Variants in EIF3E observed in about 807,000 individuals in gnomAD.
The protein encoded by EIF3E is eIF-3 p48.
In EIF3E, 25 loss-of-function variants were observed where a neutral mutation model predicts 59.3. The observed-to-expected ratio is 0.42, with a 90% CI of 0.31 to 0.59. The LOEUF (loss-of-function observed/expected upper bound fraction) is 0.59. Ranked by LOEUF, EIF3E falls within the 20% of genes least tolerant of loss-of-function variation. The probability of loss-of-function intolerance (pLI) is 0.15; values close to 1 mark genes in which losing one functional copy is unlikely to be tolerated. For synonymous variants in EIF3E, 176 were observed against 170.2 expected, an observed-to-expected ratio of 1.03 and a Z score of -0.26; for missense variants, 317 against 534.3, an observed-to-expected ratio of 0.59 and a Z score of 4.01.
At chr8:108,248,149 C>T (rs1426134039) in intron 1 of EIF3E, among the ~76,000 whole-genome samples, 2 of 152,052 alleles carry the variant, frequency 1.3e-5, no homozygotes, top group Non-Finnish European at 2.9e-5. Context: ...GCGCTAGATA[C>T]TTATTTTAAG....
At chr8:108,234,354 C>G (rs1018617570) in intron 5 of EIF3E, 8 of 152,142 alleles carry the variant, frequency 5.3e-5, no homozygotes, top group African/African-American at 1.7e-4. Context: ...TTTAATTTGG[C>G]TTCACACAAC....
At chr8:108,245,697 A>G (rs1418860782) in intron 1 of EIF3E, among the ~76,000 whole-genome samples, 1 of 152,178 alleles carries the variant, frequency 6.6e-6, no homozygotes, top group Non-Finnish European at 1.5e-5. Context: ...ATATTTCACT[A>G]TCTGGCCTTC....
rs1481729667 is a variant in EIF3E, at chr8:108,228,294, ATAT to A, written c.692_694del (p.Asn231del). On this transcript the variant is annotated inframe_deletion, in exon 7 of 13. Transcript: ENST00000220849. The stretch of plus-strand genomic sequence containing the variant: ...TGGCTGATAAAGGAAGAGGTCAATA[ATAT>A]TATCGCGACCTTTGGGGTGATTGAA... 1 of 1,605,452 alleles carries A rather than the reference ATAT, an allele frequency of 6.2e-7. No individual in the cohort carries two copies. Among genetic ancestry groups the A allele is most frequent in the African/African-American group, 1.3e-5 (1 of 74,480 alleles).
chr8:108,229,760 T>C (rs1015258062), intron 5 of EIF3E, among the ~76,000 whole-genome samples: 5 of 152,148 alleles, frequency 3.3e-5, no homozygotes, highest in Non-Finnish European at 7.4e-5. Context: ...CAAGTTAGTG[T>C]TCTCCTGTAA....
rs980985224 is a variant in EIF3E, at chr8:108,216,747, T to G, written c.850-234A>C. On this transcript the variant is annotated intron_variant, in intron 8 of 12. Transcript: ENST00000220849. ...TCATCCTAGAAGCATTCTGAAAGCT[T>G]TCAAATTCCTCTACTACCAAAAGTC... 5.3e-5 allele frequency among the ~76,000 whole-genome samples: 8 copies of G among 152,294 alleles called. No individual in the cohort carries two copies. In the South Asian group the frequency reaches 1.4e-3, roughly 28 times the overall value.
Position 108,230,018 on chromosome 8 carries a change from A to G in EIF3E, c.472-823T>C, listed in dbSNP as rs569148717. On this transcript the variant is annotated intron_variant, in intron 5 of 12. Coordinates refer to ENST00000220849, the MANE Select transcript of EIF3E (RefSeq NM_001568.3). Reference sequence around the variant, plus strand: ...AATGAGCAAAGCTGGACTCCCTCAAAACAAAGCAGCAGAAGTAGGTAAACT... The same window carrying G: ...AATGAGCAAAGCTGGACTCCCTCAAGACAAAGCAGCAGAAGTAGGTAAACT... Among the ~76,000 whole-genome samples the G allele has an allele frequency of 2.0e-5, 3 of 152,254 alleles. No homozygotes were observed. The South Asian group carries it at 6.2e-4, about 32-fold the overall frequency.
At chr8:108,211,890 T>C (rs1037686293) in intron 10 of EIF3E, among the ~76,000 whole-genome samples, 18 of 152,218 alleles carry the variant, frequency 1.2e-4, no homozygotes, top group Non-Finnish European at 2.6e-4. Flanking sequence ...AACACAGAGT[T>C]AAAGTGACTT....
intron 7 of EIF3E, among the ~76,000 whole-genome samples, chr8:108,222,947 A>G (rs73699658): frequency 0.02 from 3,029 of 151,590 alleles, 86 homozygotes; most frequent in African/African-American, 0.066. Context: ...ATCTTCCCCA[A>G]CTGTACAGCT....
At chr8:108,210,685 G>A (rs560494349) in intron 10 of EIF3E, among the ~76,000 whole-genome samples, 1 of 152,226 alleles carries the variant, frequency 6.6e-6, no homozygotes, top group African/African-American at 2.4e-5. Context: ...CCATGTTGGT[G>A]TGCTGCACCC....
chr8:108,210,394 T>G (rs1815183992), intron 10 of EIF3E, among the ~76,000 whole-genome samples: 1 of 152,202 alleles, frequency 6.6e-6, no homozygotes, highest in Admixed American at 6.5e-5. Flanking sequence ...CTTGTTATTT[T>G]ACTTCTCCAG....
intron 5 of EIF3E, 25 bp downstream of exon 5, chr8:108,234,973 A>G: frequency 7.0e-7 from 1 of 1,426,808 alleles, no homozygotes; most frequent in South Asian, 1.3e-5. Flanking sequence ...AAAAAAAAAA[A>G]AAAAAAACAT....
rs556008684 is a variant in EIF3E, at chr8:108,242,682, C to T, written c.91-769G>A. The T allele has an allele frequency of 6.6e-4, 742 of 1,122,666 alleles. 2 individuals are homozygous for T. The highest frequency in any genetic ancestry group is 1.2e-3 in the Middle Eastern group (3 of 2,406). The allele number at this position is 1,122,666 out of a possible 1,614,324, so 69.5% of individuals were successfully genotyped here. A position where few individuals can be genotyped will look rare whatever the true frequency, so the allele number is the denominator to read the frequency against. On this transcript the variant is annotated intron_variant, in intron 1 of 12. Transcript: ENST00000220849. ...GAGCAAAATCGAACCTTCCAAATTA[C>T]ATGCAGAACTCCTATAAATGAGTAA...
At chr8:108,247,916 T>C (rs1815977922) in intron 1 of EIF3E, among the ~76,000 whole-genome samples, 1 of 151,614 alleles carries the variant, frequency 6.6e-6, no homozygotes, top group Non-Finnish European at 1.5e-5. Flanking sequence ...ACACATTTAT[T>C]CATGATATCT....
At chr8:108,243,786 G>A (rs919171623) in intron 1 of EIF3E, among the ~76,000 whole-genome samples, 2 of 151,634 alleles carry the variant, frequency 1.3e-5, no homozygotes, top group Admixed American at 1.3e-4. Context: ...ATGAATGAAC[G>A]TCATATCTGA....
At chr8:108,233,676 G>GA in intron 5 of EIF3E, 1 of 407,116 alleles carries the variant, frequency 2.5e-6, no homozygotes, top group Non-Finnish European at 4.9e-6. Context: ...ACTCCATCTT[G>GA]GAAAAAAAAA....
At chr8:108,211,505 A>G (rs554233540) in intron 10 of EIF3E, among the ~76,000 whole-genome samples, 2 of 152,262 alleles carry the variant, frequency 1.3e-5, no homozygotes, top group East Asian at 3.9e-4. Flanking sequence ...CCTTTGTCAG[A>G]TGGGTAGATG....
chr8:108,201,950 C>T (rs778229202), intron 12 of EIF3E, 27 bp from the exon 13 acceptor site: 8 of 1,551,776 alleles, frequency 5.2e-6, no homozygotes, highest in Non-Finnish European at 7.0e-6. Context: ...GAAATCAACA[C>T]CGTGAAAAGA....
At chr8:108,221,795 T>TACACACACGCACACACAC (rs138121846) in intron 7 of EIF3E, among the ~76,000 whole-genome samples, 1 of 146,936 alleles carries the variant, frequency 6.8e-6, no homozygotes, top group African/African-American at 2.5e-5. Context: ...GCTGCCAGAC[T>TACACACACGCACACACAC]ACACACACAC....
At position 108,245,511 on chromosome 8, in the gene EIF3E, G is replaced by A. The variant is rs76384032; in HGVS notation, c.90+3102C>T. On this transcript the variant is annotated intron_variant, in intron 1 of 12. Transcript: ENST00000220849. ...GGAGTACTCACTCTGTCCCAGAAGA[G>A]CGTAGTGTTTTATATGCATTATCTC... Among the ~76,000 whole-genome samples, 1,332 of 152,316 alleles carry A rather than the reference G, an allele frequency of 8.7e-3. 17 individuals carry two copies. Among genetic ancestry groups the A allele is most frequent in the African/African-American group, 0.03 (1,239 of 41,560 alleles).
Sources: gnomAD v4.1 joint callset for allele counts (sites outside exome capture counted in the v4.1 genomes callset) on GRCh38, gnomAD v4.1.1 for gene constraint, MANE v1.5 for transcripts, NCBI Gene and HGNC (gene_info 2026-07-23, HGNC 2026-07-21) for gene names.